Variants in SMC5 observed in about 807,000 individuals in gnomAD.
SMC5 encodes the protein structural maintenance of chromosomes protein 5.
Under a neutral mutation model 148.3 loss-of-function variants are expected in SMC5, and 88 were observed. The observed-to-expected ratio is 0.59, with a 90% CI of 0.50 to 0.71. The LOEUF is 0.71. Among genes scored for constraint, SMC5 ranks in the 30% least tolerant of loss-of-function variants. The pLI is 0.00. For missense variants in SMC5, 1,142 were observed against 1,298.9 expected (o/e 0.88, Z 1.86); for synonymous variants, 421 against 432.8 (o/e 0.97, Z 0.34).
chr9:70,334,940 A>G lies in SMC5; in HGVS notation c.2398-9204A>G, dbSNP rs558330837. Among the ~76,000 whole-genome samples the G allele has an allele frequency of 4.6e-5, 7 of 152,306 alleles. No homozygotes were observed. The East Asian group carries it at 1.4e-3, about 29-fold the overall frequency. On this transcript the variant is annotated intron_variant, in intron 17 of 24. Transcript: ENST00000361138. ...ACCTTATTAGTCAGTAGGGAAGTTT[A>G]TATTAAAGGCATGAGTTAAACCATA...
intron 2 of SMC5, among the ~76,000 whole-genome samples, chr9:70,265,333 C>T (rs926941900): frequency 6.6e-6 from 1 of 152,076 alleles, no homozygotes; most frequent in Non-Finnish European, 1.5e-5. Flanking sequence ...GTGGCGGGTG[C>T]CTGTAATCCC....
At chr9:70,316,972 T>C (rs1192887147) in intron 13 of SMC5, among the ~76,000 whole-genome samples, 1 of 152,070 alleles carries the variant, frequency 6.6e-6, no homozygotes, top group Non-Finnish European at 1.5e-5. Flanking sequence ...CTCAAACATA[T>C]CAAATACCTT....
At chr9:70,332,400 A>G (rs901085202) in intron 17 of SMC5, among the ~76,000 whole-genome samples, 1 of 151,948 alleles carries the variant, frequency 6.6e-6, no homozygotes, top group Non-Finnish European at 1.5e-5. Flanking sequence ...TGCACCTGTA[A>G]TCTCAGCTAG....
Position 70,277,307 on chromosome 9 carries a change from T to C in SMC5, c.381-3T>C. On this transcript the variant is annotated splice_region_variant and splice_polypyrimidine_tract_variant and intron_variant, in intron 3 of 24. Transcript: ENST00000361138. ...AAAGATTCTTAAATTATTTTTTAAT[T>C]AGGTTCAGGGCTTCTGGAAATCTTG... 6.7e-7 allele frequency: 1 copy of C among 1,497,646 alleles called. No individual in the cohort carries two copies. Among genetic ancestry groups the C allele is most frequent in the Non-Finnish European group, 8.9e-7 (1 of 1,128,474 alleles). 92.8% of individuals were successfully genotyped at this position (1,497,646 alleles called of 1,614,324 possible). A position where few individuals can be genotyped will look rare whatever the true frequency, so the allele number is the denominator to read the frequency against.
intron 3 of SMC5, among the ~76,000 whole-genome samples, chr9:70,270,357 T>C (rs1036914740): frequency 3.9e-5 from 6 of 152,186 alleles, no homozygotes; most frequent in Non-Finnish European, 7.3e-5. Context: ...TGTTTCGTAA[T>C]CTGGGAACTC....
intron 8 of SMC5, among the ~76,000 whole-genome samples, chr9:70,296,015 T>C (rs767585484): frequency 3.3e-4 from 50 of 152,186 alleles, no homozygotes; most frequent in Non-Finnish European, 6.3e-4. Context: ...TTTTCAGATA[T>C]ATTTTCTCTT....
chr9:70,347,031 A>G (rs1457988719), intron 19 of SMC5, 35 bp from the exon 20 acceptor site: 1 of 1,488,504 alleles, frequency 6.7e-7, no homozygotes, highest in Admixed American at 1.7e-5. Flanking sequence ...AACTGTTTTC[A>G]TTGTATCTAT....
At chr9:70,285,895 C>G (rs879749663) in intron 7 of SMC5, among the ~76,000 whole-genome samples, 4 of 152,024 alleles carry the variant, frequency 2.6e-5, no homozygotes, top group Non-Finnish European at 4.4e-5. Context: ...TTGAGCCCTA[C>G]CAGTCAGTAA....
rs371580841 is a variant in SMC5, at chr9:70,347,728, A to C, written c.2769+11A>C. The C allele has an allele frequency of 6.8e-7, 1 of 1,479,500 alleles. No individual in the cohort carries two copies. The highest frequency in any genetic ancestry group is 1.2e-5 in the South Asian group (1 of 80,278). The allele number at this position is 1,479,500 out of a possible 1,614,324, so 91.6% of individuals were successfully genotyped here. A position where few individuals can be genotyped will look rare whatever the true frequency, so the allele number is the denominator to read the frequency against. On this transcript the variant is annotated intron_variant, in intron 21 of 24. Transcript: ENST00000361138. ...GAAAACATTTCACAGGTAATTTTTT[A>C]GTTTTTAATCTTTTTATCATGTGAT...
rs149041769 is a variant in SMC5 at position 70,298,137 on chromosome 9, C to T, written c.1225C>T (p.Arg409Trp). The T allele has an allele frequency of 1.7e-4, 267 of 1,613,756 alleles. No homozygotes were observed. In the East Asian group the frequency reaches 2.5e-3, roughly 15 times the overall value. Reference protein sequence around the residue: ...QIDAITNDLRRIQDEKALCEG... With the variant: ...QIDAITNDLRWIQDEKALCEG... Reference sequence around the variant, plus strand: ...TGATGCCATTACAAATGATCTGAGACGGATTCAGGATGAAAAGGCATTATG... The same window carrying T: ...TGATGCCATTACAAATGATCTGAGATGGATTCAGGATGAAAAGGCATTATG... The change falls in exon 9 of 25, where the codon CGG becomes TGG. Residue 409 changes from arginine to tryptophan, a missense_variant. Transcript: ENST00000361138.
chr9:70,267,906 T>C lies in SMC5; in HGVS notation c.328-17T>C, dbSNP rs1310770812. ...GAATGTCACTACACAGCTCACTTTT[T>C]CTTTTTTATGTCTTAGGTTGGGTTT... On this transcript the variant is annotated splice_polypyrimidine_tract_variant and intron_variant, in intron 2 of 24. Transcript: ENST00000361138. The C allele has an allele frequency of 4.4e-6, 7 of 1,605,302 alleles. No individual in the cohort carries two copies. Among genetic ancestry groups the C allele is most frequent in the Admixed American group, 1.7e-5 (1 of 58,804 alleles).
In SMC5 at chr9:70,323,586, G is replaced by A. The variant is rs367632988; in HGVS notation, c.2254G>A (p.Glu752Lys). 26 of 1,611,194 alleles carry A rather than the reference G, an allele frequency of 1.6e-5. No homozygotes were observed. Among genetic ancestry groups the A allele is most frequent in the South Asian group, 3.3e-5 (3 of 90,314 alleles). ...TGTTCAAAAAGCGAAACTTGTTACC[G>A]AATTAACAAACCTAATAAAGGTAAG... ...INVQKAKLVT[E>K]LTNLIKICTS... Residue 752 changes from glutamate to lysine, a missense_variant, in exon 16 of 25, where the codon GAA (glutamate) becomes AAA (lysine). Around this residue, in one of 5 missense-constraint regions of SMC5, gnomAD observed 743 missense variants for 835.7 expected, o/e 0.89. Coordinates refer to ENST00000361138, the MANE Select transcript of SMC5 (RefSeq NM_015110.4).
chr9:70,305,580 A>T (rs959865791), intron 11 of SMC5, among the ~76,000 whole-genome samples: 1 of 152,206 alleles, frequency 6.6e-6, no homozygotes, highest in Admixed American at 6.5e-5. Flanking sequence ...CATCTGTAAC[A>T]TTTTGAAATT....
chr9:70,281,367 G>A (rs1326898018), intron 6 of SMC5, among the ~76,000 whole-genome samples: 1 of 152,036 alleles, frequency 6.6e-6, no homozygotes, highest in Non-Finnish European at 1.5e-5. Flanking sequence ...TACCTTAGCT[G>A]TGTGCTAGTT....
At chr9:70,319,107 A>G (rs746384537) in intron 15 of SMC5, 144 bp downstream of exon 15, 24 of 731,286 alleles carry the variant, frequency 3.3e-5, no homozygotes, top group African/African-American at 5.5e-5. Context: ...ATAAAACACA[A>G]TTTTATTCCA....
At chr9:70,293,277 G>A (rs890560618) in intron 8 of SMC5, among the ~76,000 whole-genome samples, 5 of 152,014 alleles carry the variant, frequency 3.3e-5, no homozygotes, top group African/African-American at 9.7e-5. Flanking sequence ...CCTTTGATAT[G>A]TATAGAATCT....
Position 70,345,020 on chromosome 9 carries a change from G to A in SMC5, c.2523+751G>A, listed in dbSNP as rs187381220. Among the ~76,000 whole-genome samples the A allele has an allele frequency of 7.9e-5, 12 of 152,080 alleles. No homozygotes were observed. In the East Asian group the frequency reaches 2.3e-3, roughly 29 times the overall value. ...TCAATTGATTTATTTTATGATATCA[G>A]ACACAGAAATCACAGAGAATGGATT... is the stretch of plus-strand genomic sequence containing the variant. On this transcript the variant is annotated intron_variant, in intron 18 of 24. Transcript: ENST00000361138.
chr9:70,292,495 A>G lies in SMC5; in HGVS notation c.1054-5471A>G, dbSNP rs538856805. 4.6e-5 allele frequency among the ~76,000 whole-genome samples: 7 copies of G among 152,152 alleles called. No homozygotes were observed. In the East Asian group the frequency reaches 1.4e-3, roughly 29 times the overall value. On this transcript the variant is annotated intron_variant, in intron 8 of 24. Transcript: ENST00000361138. ...CTTTCTTTCTGATTTGTATGCACTT[A>G]GTTTTCTTACGTTATTGCATTGGCT...
chr9:70,311,731 G>T (rs1400588087), intron 11 of SMC5: 1 of 151,472 alleles, frequency 6.6e-6, no homozygotes, highest in South Asian at 2.1e-4. Context: ...TTTTAATGCA[G>T]TATCTTTGAA....
Sources: allele counts gnomAD v4.1 joint callset (sites outside exome capture counted in the v4.1 genomes callset), GRCh38; gene constraint gnomAD v4.1.1; regional missense constraint gnomAD v4.1.1; transcripts MANE v1.5; gene names NCBI Gene and HGNC (gene_info 2026-07-23, HGNC 2026-07-21).